CTPS2: variants seen among roughly 807,000 people sequenced by gnomAD.
CTPS2 encodes CTP synthase II.
A neutral mutation model predicts 46.8 loss-of-function variants in CTPS2; 19 were observed. The observed-to-expected ratio is 0.41, with a 90% CI of 0.28 to 0.60. The LOEUF (loss-of-function observed/expected upper bound fraction) is 0.60. CTPS2 is among the 20% of genes least tolerant of loss of function. The probability of loss-of-function intolerance (pLI) is 0.35; values close to 1 mark genes in which losing one functional copy is unlikely to be tolerated. For missense variants in CTPS2, 286 were observed against 447.6 expected, an observed-to-expected ratio of 0.64 and a Z score of 3.26; for synonymous variants, 151 against 165.2, an observed-to-expected ratio of 0.91 and a Z score of 0.66.
intron 10 of CTPS2, among the ~76,000 whole-genome samples, chrX:16,673,534 A>G (rs956608162): frequency 7.2e-5 from 8 of 110,409 alleles, no homozygotes; most frequent in Non-Finnish European, 1.3e-4. Flanking sequence ...GCTTACAACT[A>G]CTGGATCTTC....
intron 9 of CTPS2, among the ~76,000 whole-genome samples, chrX:16,682,349 G>A (rs774264290): frequency 1.8e-5 from 2 of 111,850 alleles, no homozygotes; most frequent in Admixed American, 1.9e-4. Context: ...GCTGGGCATG[G>A]TGGCGGGAGT....
chrX:16,668,817 A>AAG (rs1172208347), intron 11 of CTPS2, among the ~76,000 whole-genome samples: 7 of 91,578 alleles, frequency 7.6e-5, no homozygotes, highest in Non-Finnish European at 1.5e-4. Flanking sequence ...AAGGAAGGAA[A>AAG]GAAGGAAAGA....
At chrX:16,606,332 C>T (rs950868991) in intron 17 of CTPS2, among the ~76,000 whole-genome samples, 2 of 111,944 alleles carry the variant, frequency 1.8e-5, no homozygotes, top group African/African-American at 3.2e-5. Context: ...TAGTCATTTG[C>T]TTTTCAAAGC....
In CTPS2 at chrX:16,599,963, G is replaced by C. The variant is rs751102812; in HGVS notation, c.1692-9101C>G. ...CCAGCTAATTTTTGTATTTTTAGTA[G>C]AGACAGGGTTTCGCCATGTTGGCCA... is the stretch of plus-strand genomic sequence containing the variant. On this transcript the variant is annotated intron_variant, in intron 17 of 18. Coordinates refer to ENST00000359276, the MANE Select transcript of CTPS2 (RefSeq NM_175859.3). 1.2e-4 allele frequency among the ~76,000 whole-genome samples: 13 copies of C among 110,420 alleles called. No individual in the cohort carries two copies. In the South Asian group the frequency reaches 5.1e-3, roughly 43 times the overall value.
chrX:16,686,412 G>GC lies in CTPS2; in HGVS notation c.872+3037dup, dbSNP rs35172907. Among the ~76,000 whole-genome samples the GC allele has an allele frequency of 7.3e-4, 79 of 108,340 alleles. No individual in the cohort carries two copies. In the South Asian group the frequency reaches 9.5e-3, roughly 13 times the overall value. 94.1% of individuals were successfully genotyped at this position (108,340 alleles called of 115,157 possible). ...AAAGGCTGTAGTGAGTTGAATGGTG[G>GC]CCCCCCCCCAAAGAAATTTGTCCCC... On this transcript the variant is annotated intron_variant, in intron 8 of 18. Coordinates refer to ENST00000359276, the MANE Select transcript of CTPS2 (RefSeq NM_175859.3).
In CTPS2 at chrX:16,589,912, C is replaced by A. The variant is rs777311446; in HGVS notation, c.*42-137G>T. ...TGTTTGAGGCAAAACTAAATAGACACAGCTTTGCATCTTCCCTGATAAACA... is the reference window on the plus strand; with the variant it reads ...TGTTTGAGGCAAAACTAAATAGACAAAGCTTTGCATCTTCCCTGATAAACA... On this transcript the variant is annotated intron_variant, in intron 18 of 18. Transcript: ENST00000359276. 6.2e-5 allele frequency: 7 copies of A among 112,696 alleles called. No individual in the cohort carries two copies. In the South Asian group the frequency reaches 2.6e-3, roughly 42 times the overall value. 9.3% of individuals were successfully genotyped at this position (112,696 alleles called of 1,213,427 possible).
At chrX:16,591,935 T>C (rs1176591869) in intron 17 of CTPS2, among the ~76,000 whole-genome samples, 1 of 111,248 alleles carries the variant, frequency 9.0e-6, no homozygotes, top group East Asian at 2.8e-4. Flanking sequence ...TTTTGCTCTA[T>C]TATAACTCTC....
chrX:16,670,306 G>A (rs755348656), intron 11 of CTPS2, among the ~76,000 whole-genome samples: 2 of 112,185 alleles, frequency 1.8e-5, no homozygotes, highest in Admixed American at 9.5e-5. Flanking sequence ...CTTCTAGGCC[G>A]TAGGGTCTGA....
At chrX:16,710,670 G>A (rs1421440880) in intron 1 of CTPS2, among the ~76,000 whole-genome samples, 1 of 111,841 alleles carries the variant, frequency 8.9e-6, no homozygotes, top group Admixed American at 9.6e-5. Flanking sequence ...CCAGGCTGGA[G>A]TGCAATGACA....
At chrX:16,618,462 A>G (rs1366488884) in intron 15 of CTPS2, among the ~76,000 whole-genome samples, 1 of 112,020 alleles carries the variant, frequency 8.9e-6, no homozygotes, top group African/African-American at 3.2e-5. Context: ...GTATATATCT[A>G]GGAGTGGAAC....
chrX:16,684,376 G>A (rs1157335159), intron 8 of CTPS2, among the ~76,000 whole-genome samples: 3 of 108,726 alleles, frequency 2.8e-5, no homozygotes, highest in African/African-American at 1.0e-4. Context: ...GGGCGTGGTG[G>A]TACGCACCTG....
intron 13 of CTPS2, among the ~76,000 whole-genome samples, chrX:16,640,371 TCC>T (rs1932020540): frequency 9.0e-6 from 1 of 110,994 alleles, no homozygotes; most frequent in Admixed American, 9.7e-5. Flanking sequence ...AGCTCCACTA[TCC>T]AACATCAGCC....
At chrX:16,664,781 T>C (rs1199789932) in intron 13 of CTPS2, among the ~76,000 whole-genome samples, 3 of 111,668 alleles carry the variant, frequency 2.7e-5, no homozygotes, top group East Asian at 5.6e-4. Flanking sequence ...GAGGTACTTT[T>C]AGTGTCACAG....
intron 1 of CTPS2, among the ~76,000 whole-genome samples, chrX:16,710,202 T>A (rs987740562): frequency 8.9e-6 from 1 of 112,090 alleles, no homozygotes; most frequent in African/African-American, 3.2e-5. Context: ...TACCCCATAC[T>A]GGGGAGGAAG....
chrX:16,645,097 C>T (rs1932251908), intron 13 of CTPS2, among the ~76,000 whole-genome samples: 2 of 111,463 alleles, frequency 1.8e-5, no homozygotes, highest in Non-Finnish European at 3.8e-5. Flanking sequence ...ATTCTCCTGC[C>T]TCAGCCTCCT....
intron 16 of CTPS2, among the ~76,000 whole-genome samples, chrX:16,610,141 C>G (rs1930191764): frequency 9.0e-6 from 1 of 111,337 alleles, no homozygotes; most frequent in Non-Finnish European, 1.9e-5. Flanking sequence ...TTGGGCTACC[C>G]TTGGGAACCC....
At chrX:16,676,756 C>A (rs1156754315) in intron 10 of CTPS2, among the ~76,000 whole-genome samples, 4 of 111,385 alleles carry the variant, frequency 3.6e-5, no homozygotes, top group Non-Finnish European at 5.6e-5. Context: ...TCTGTGACTG[C>A]AGCTCAGAAA....
chrX:16,590,225 TATTTTATTTTA>T (rs1422331383), intron 18 of CTPS2, among the ~76,000 whole-genome samples: 3 of 76,620 alleles, frequency 3.9e-5, no homozygotes, highest in African/African-American at 1.3e-4. Context: ...TTTTATGTTT[TATTTTATTTTA>T]ATTTTATTTT....
At chrX:16,622,987 C>T (rs1294379236) in intron 14 of CTPS2, among the ~76,000 whole-genome samples, 4 of 111,951 alleles carry the variant, frequency 3.6e-5, no homozygotes, top group African/African-American at 9.7e-5. Context: ...GAACAGAAAG[C>T]GAACCATTTC....
Sources: gnomAD v4.1 joint callset for allele counts (sites outside exome capture counted in the v4.1 genomes callset) on GRCh38, gnomAD v4.1.1 for gene constraint, MANE v1.5 for transcripts, NCBI Gene and HGNC (gene_info 2026-07-23, HGNC 2026-07-21) for gene names.